Variants in RSBN1L observed in about 807,000 individuals in gnomAD.
The protein encoded by RSBN1L is lysine-specific demethylase RSBN1L.
RSBN1L carries 30 observed loss-of-function variants against 67.7 expected under a neutral mutation model. That is an observed-to-expected ratio of 0.44 (90% CI 0.33 to 0.60). The LOEUF is 0.60. Ranked by LOEUF, RSBN1L falls within the 20% of genes least tolerant of loss-of-function variation. The pLI is 0.02. For missense variants in RSBN1L, 992 were observed against 1,031.7 expected (o/e 0.96, Z 0.53); for synonymous variants, 433 against 387.0 (o/e 1.12, Z -1.39).
In RSBN1L at chr7:77,746,471, A is replaced by G. The variant is rs1051464852; in HGVS notation, c.704-2953A>G. Among the ~76,000 whole-genome samples, 14 of 152,176 alleles carry G rather than the reference A, an allele frequency of 9.2e-5. 1 individual carries two copies. Among genetic ancestry groups the G allele is most frequent in the Non-Finnish European group, 1.5e-5 (1 of 68,030 alleles). ...TACCTCCTACCAGGCCCCACCTTCA[A>G]TTGTAATTGGGGATTACAGTTCGAC... On this transcript the variant is annotated intron_variant, in intron 2 of 7. Coordinates refer to ENST00000334955, the MANE Select transcript of RSBN1L (RefSeq NM_198467.3).
chr7:77,762,435 C>G (rs564588487), intron 3 of RSBN1L, among the ~76,000 whole-genome samples: 1 of 152,048 alleles, frequency 6.6e-6, no homozygotes, highest in Non-Finnish European at 1.5e-5. Flanking sequence ...TAGGTCTATA[C>G]TAATTTAGAC....
chr7:77,730,125 C>G (rs1791255508), intron 1 of RSBN1L, among the ~76,000 whole-genome samples: 1 of 152,048 alleles, frequency 6.6e-6, no homozygotes, highest in Non-Finnish European at 1.5e-5. Context: ...TACATTCCTT[C>G]TTTCTTCCGT....
chr7:77,696,723 C>T lies in RSBN1L; in HGVS notation c.254C>T (p.Ser85Phe). Residue 85 changes from serine to phenylalanine, a missense_variant, in exon 1 of 8, where the codon TCT (serine) becomes TTT (phenylalanine). Ser to Phe is a radical substitution (Grantham distance 155, BLOSUM62 -2). Transcript: ENST00000334955. The part of the protein sequence containing the change: ...PSPQSYGSPA[S>F]WSFAPLSAAP... ...CCTCAGAGCTATGGCAGCCCCGCGT[C>T]TTGGAGCTTTGCCCCTCTGTCTGCT... The T allele has an allele frequency of 6.2e-7, 1 of 1,613,712 alleles. No homozygotes were observed. Among genetic ancestry groups the T allele is most frequent in the Non-Finnish European group, 8.5e-7 (1 of 1,179,942 alleles).
chr7:77,715,121 A>G (rs963523848), intron 1 of RSBN1L, among the ~76,000 whole-genome samples: 1 of 151,658 alleles, frequency 6.6e-6, no homozygotes, highest in Non-Finnish European at 1.5e-5. Context: ...AAAATACAAA[A>G]ATTAGTCAGG....
chr7:77,728,290 TGATA>T (rs774071122), intron 1 of RSBN1L, among the ~76,000 whole-genome samples: 3 of 152,324 alleles, frequency 2.0e-5, no homozygotes, highest in South Asian at 2.1e-4. Flanking sequence ...CATACTTGAT[TGATA>T]GTTTGGCAGA....
At chr7:77,708,718 G>GT (rs1481789082) in intron 1 of RSBN1L, among the ~76,000 whole-genome samples, 1 of 152,152 alleles carries the variant, frequency 6.6e-6, no homozygotes, top group Non-Finnish European at 1.5e-5. Flanking sequence ...GCAAGACATG[G>GT]TTTTTTAGGA....
intron 1 of RSBN1L, among the ~76,000 whole-genome samples, chr7:77,716,757 G>A (rs1640224476): frequency 2.0e-5 from 3 of 148,210 alleles, no homozygotes; most frequent in Non-Finnish European, 1.5e-5. Context: ...TCAACCTCCC[G>A]AGTAGCTGGG....
intron 1 of RSBN1L, among the ~76,000 whole-genome samples, chr7:77,728,001 G>A (rs1235600639): frequency 6.6e-5 from 10 of 152,094 alleles, no homozygotes; most frequent in Admixed American, 6.6e-4. Context: ...TGTGATAAGA[G>A]AAAATTTGTC....
intron 1 of RSBN1L, among the ~76,000 whole-genome samples, chr7:77,731,620 C>A (rs1332783155): frequency 6.6e-6 from 1 of 152,148 alleles, no homozygotes; most frequent in Non-Finnish European, 1.5e-5. Flanking sequence ...TTGGATACAT[C>A]TTTACCAAGT....
chr7:77,706,946 T>C (rs1256609511), intron 1 of RSBN1L, among the ~76,000 whole-genome samples: 1 of 152,174 alleles, frequency 6.6e-6, no homozygotes, highest in South Asian at 2.1e-4. Flanking sequence ...TTTAGAATTA[T>C]AATCTCTATT....
At chr7:77,737,189 A>G (rs1019493932) in intron 2 of RSBN1L, among the ~76,000 whole-genome samples, 1 of 152,216 alleles carries the variant, frequency 6.6e-6, no homozygotes, top group African/African-American at 2.4e-5. Context: ...ACGTAAGGAT[A>G]GTCTTAAATT....
chr7:77,734,897 T>C (rs1364801426), intron 1 of RSBN1L, among the ~76,000 whole-genome samples: 1 of 152,164 alleles, frequency 6.6e-6, no homozygotes. Flanking sequence ...CACTGTAATC[T>C]AATTCAGAAG....
intron 1 of RSBN1L, among the ~76,000 whole-genome samples, chr7:77,709,697 A>G (rs1349615380): frequency 6.6e-6 from 1 of 151,432 alleles, no homozygotes; most frequent in Non-Finnish European, 1.5e-5. Flanking sequence ...AATTTTCCTT[A>G]TTTGTCTTCT....
At chr7:77,732,991 G>A (rs1045553567) in intron 1 of RSBN1L, among the ~76,000 whole-genome samples, 14 of 152,074 alleles carry the variant, frequency 9.2e-5, no homozygotes, top group African/African-American at 3.4e-4. Context: ...GTTTAATGGA[G>A]GCATTTAAGG....
intron 1 of RSBN1L, among the ~76,000 whole-genome samples, chr7:77,709,542 G>T (rs1790945816): frequency 3.3e-5 from 5 of 152,022 alleles, no homozygotes; most frequent in Admixed American, 3.3e-4. Context: ...CACCCACCTT[G>T]GCCTCCCAAA....
chr7:77,701,192 A>C (rs979987042), intron 1 of RSBN1L, among the ~76,000 whole-genome samples: 76 of 150,572 alleles, frequency 5.0e-4, no homozygotes, highest in Middle Eastern at 7.0e-3. Context: ...ACAACAACAA[A>C]AAAAAACGAC....
At chr7:77,749,295 A>G (rs1042787064) in intron 2 of RSBN1L, 129 bp from the exon 3 acceptor site, 8 of 675,180 alleles carry the variant, frequency 1.2e-5, no homozygotes, top group Non-Finnish European at 1.9e-5. Context: ...TCTGTAAAAA[A>G]TGAGTCCTAA....
chr7:77,742,830 C>T lies in RSBN1L; in HGVS notation c.703+6304C>T, dbSNP rs921423737. 5.3e-5 allele frequency among the ~76,000 whole-genome samples: 8 copies of T among 152,166 alleles called. No homozygotes were observed. In the East Asian group the frequency reaches 1.5e-3, roughly 29 times the overall value. ...TGCACCCTGGGCGACAGAGTGAGAC[C>T]CTGTCTTAAACAACAACAACAACAA... On this transcript the variant is annotated intron_variant, in intron 2 of 7. Transcript: ENST00000334955.
intron 1 of RSBN1L, among the ~76,000 whole-genome samples, chr7:77,703,353 A>C (rs1156390753): frequency 6.6e-6 from 1 of 152,040 alleles, no homozygotes; most frequent in African/African-American, 2.4e-5. Flanking sequence ...CATTATGCTA[A>C]GGCATTTACC....
Sources: allele counts gnomAD v4.1 joint callset (sites outside exome capture counted in the v4.1 genomes callset), GRCh38; gene constraint gnomAD v4.1.1; transcripts MANE v1.5; gene names NCBI Gene and HGNC (gene_info 2026-07-23, HGNC 2026-07-21).